CPXM2: variants seen among roughly 807,000 people sequenced by gnomAD.
The protein encoded by CPXM2 is inactive carboxypeptidase-like protein X2.
CPXM2 carries 66 observed loss-of-function variants against 86.1 expected under a neutral mutation model. That is an observed-to-expected ratio of 0.77 (90% CI 0.63 to 0.94). The LOEUF is 0.94. Among genes scored for constraint, CPXM2 ranks in the 40% least tolerant of loss-of-function variants. The probability of loss-of-function intolerance (pLI) is 0.00; values close to 1 mark genes in which losing one functional copy is unlikely to be tolerated. For missense variants in CPXM2, 948 were observed against 1,026.3 expected (o/e 0.92, Z 1.04); for synonymous variants, 388 against 400.2 (o/e 0.97, Z 0.36).
chr10:123,788,826 A>G (rs1564769702), intron 6 of CPXM2, among the ~76,000 whole-genome samples: 2 of 151,956 alleles, frequency 1.3e-5, no homozygotes, highest in Non-Finnish European at 2.9e-5. Flanking sequence ...ACTATCGCCA[A>G]AGCGTACACT....
intron 2 of CPXM2, among the ~76,000 whole-genome samples, chr10:123,915,059 C>T (rs1226882740): frequency 6.6e-6 from 1 of 152,230 alleles, no homozygotes; most frequent in Non-Finnish European, 1.5e-5. Context: ...CCTCCCGCGG[C>T]TCCTCTGATG....
Position 123,766,981 on chromosome 10 carries a change from T to C in CPXM2, c.1471A>G (p.Asn491Asp), listed in dbSNP as rs1394911042. The C allele has an allele frequency of 2.5e-6, 4 of 1,613,768 alleles. No homozygotes were observed. Among genetic ancestry groups the C allele is most frequent in the Non-Finnish European group, 3.4e-6 (4 of 1,179,598 alleles). ...CGGGTATTTTGACTCACCGTGGCAT[T>C]TTCCGACAGAAACCACTCAGGGATT... is the stretch of plus-strand genomic sequence containing the variant. ...IAIPEWFLSE[N>D]ATVAAETRAV... The change falls in exon 10 of 14, where the codon AAT (asparagine) becomes GAT (aspartate). Residue 491 changes from asparagine to aspartate, a missense_variant. Physicochemically the swap from Asn to Asp is conservative, Grantham distance 23. Coordinates refer to ENST00000241305, the MANE Select transcript of CPXM2 (RefSeq NM_198148.3).
chr10:123,878,277 C>T (rs1005801443), intron 2 of CPXM2, among the ~76,000 whole-genome samples: 1 of 149,796 alleles, frequency 6.7e-6, no homozygotes, highest in South Asian at 2.1e-4. Flanking sequence ...AGGTTATCCT[C>T]GACCCCCTTT....
chr10:123,757,425 C>G (rs1315765193), intron 11 of CPXM2, 73 bp from the exon 12 acceptor site: 4 of 1,297,770 alleles, frequency 3.1e-6, no homozygotes, highest in Non-Finnish European at 4.4e-6. Flanking sequence ...GCACAGCGGG[C>G]AGCAAGGATG....
At chr10:123,904,447 A>G (rs897002459) in intron 2 of CPXM2, among the ~76,000 whole-genome samples, 2 of 152,192 alleles carry the variant, frequency 1.3e-5, no homozygotes, top group Non-Finnish European at 2.9e-5. Flanking sequence ...GGGTATAACA[A>G]TCGTTCCCAC....
chr10:123,840,379 T>C (rs1046862340), intron 4 of CPXM2, among the ~76,000 whole-genome samples: 2 of 152,196 alleles, frequency 1.3e-5, no homozygotes, highest in African/African-American at 2.4e-5. Flanking sequence ...ATGGCATAAA[T>C]GCATAATCAA....
In CPXM2 at chr10:123,760,213, G is replaced by C. The variant is rs575475596; in HGVS notation, c.1777+1659C>G. On this transcript the variant is annotated intron_variant, in intron 11 of 13. Transcript: ENST00000241305. ...AAATGTTATGAGTGACCAACACTGC[G>C]GAATCCAGGTGTGCCCGTGCCCAAT... Among the ~76,000 whole-genome samples the C allele has an allele frequency of 2.0e-5, 3 of 152,300 alleles. No individual in the cohort carries two copies. The East Asian group carries it at 5.8e-4, about 29-fold the overall frequency.
At chr10:123,860,125 A>G (rs192876899) in intron 3 of CPXM2, among the ~76,000 whole-genome samples, 149 of 152,324 alleles carry the variant, frequency 9.8e-4, no homozygotes, top group Non-Finnish European at 2.0e-3. Context: ...GGAAATAAGT[A>G]AATGAAGGTT....
At chr10:123,871,368 T>A (rs1245688685) in intron 2 of CPXM2, among the ~76,000 whole-genome samples, 1 of 152,232 alleles carries the variant, frequency 6.6e-6, no homozygotes, top group Non-Finnish European at 1.5e-5. Flanking sequence ...TGATCCAGTA[T>A]AACTGATAAT....
At chr10:123,750,890 C>T in intron 13 of CPXM2, 1 of 985,428 alleles carries the variant, frequency 1.0e-6, no homozygotes, top group Non-Finnish European at 1.2e-6. Context: ...CCTTGAGGCT[C>T]TCACTTTCTC....
At chr10:123,757,173 A>T (rs757072271) in intron 12 of CPXM2, 40 bp downstream of exon 12, 2 of 1,594,268 alleles carry the variant, frequency 1.3e-6, no homozygotes, top group South Asian at 2.2e-5. Flanking sequence ...CTCATCCCCC[A>T]GCTAGTCCCC....
rs181904293 is a variant in CPXM2 at position 123,878,834 on chromosome 10, A to G, written c.403+1377T>C. Among the ~76,000 whole-genome samples, 594 of 152,260 alleles carry G rather than the reference A, an allele frequency of 3.9e-3. 2 individuals are homozygous for G. Among genetic ancestry groups the G allele is most frequent in the South Asian group, 9.8e-3 (47 of 4,820 alleles). The stretch of plus-strand genomic sequence containing the variant: ...GCCACGTCAGCCCTGTGGCATTTGT[A>G]ATCCTGAAGAAACAGCTGGTGTTTT... On this transcript the variant is annotated intron_variant, in intron 2 of 13. Coordinates refer to ENST00000241305, the MANE Select transcript of CPXM2 (RefSeq NM_198148.3).
chr10:123,910,529 C>T (rs547921464), intron 2 of CPXM2, among the ~76,000 whole-genome samples: 3 of 152,158 alleles, frequency 2.0e-5, no homozygotes, highest in African/African-American at 7.2e-5. Flanking sequence ...TTCCCGTCAG[C>T]AAGGGCTACC....
intron 4 of CPXM2, among the ~76,000 whole-genome samples, chr10:123,835,558 GAC>G (rs2134140569): frequency 6.6e-6 from 1 of 152,250 alleles, no homozygotes; most frequent in South Asian, 2.1e-4. Flanking sequence ...TTCAGAAACT[GAC>G]AGTTTTCAAA....
At chr10:123,883,664 C>T (rs753896166) in intron 1 of CPXM2, among the ~76,000 whole-genome samples, 12 of 152,190 alleles carry the variant, frequency 7.9e-5, no homozygotes, top group Non-Finnish European at 1.8e-4. Context: ...CTAACAGGGT[C>T]TCTGCACACC....
chr10:123,854,879 C>T (rs1996429), intron 3 of CPXM2, among the ~76,000 whole-genome samples: 87,870 of 151,764 alleles, frequency 0.58, 27,657 homozygotes, highest in East Asian at 0.81. Flanking sequence ...AAAATGCACA[C>T]AGCAAACAGA....
intron 10 of CPXM2, among the ~76,000 whole-genome samples, chr10:123,763,655 T>C (rs1846400232): frequency 6.6e-6 from 1 of 152,172 alleles, no homozygotes; most frequent in African/African-American, 2.4e-5. Context: ...CATCCTATTG[T>C]TGAATAAAGC....
chr10:123,886,556 C>G (rs1177558615), intron 1 of CPXM2, among the ~76,000 whole-genome samples: 1 of 152,128 alleles, frequency 6.6e-6, no homozygotes, highest in Non-Finnish European at 1.5e-5. Flanking sequence ...CTCGCTGCCC[C>G]CTCTGCAAAT....
rs1003104535 is a variant in CPXM2 at position 123,814,298 on chromosome 10, G to A, written c.654-15099C>T. Among the ~76,000 whole-genome samples the A allele has an allele frequency of 1.1e-4, 17 of 152,152 alleles. 1 individual carries two copies. The highest frequency in any genetic ancestry group is 4.1e-4 in the African/African-American group (17 of 41,440). ...CCAATGCAGCTAGAATATAAAGCAGGCAGAAAAATGTGAAAAGACCAGACT... is the reference window on the plus strand; with the variant it reads ...CCAATGCAGCTAGAATATAAAGCAGACAGAAAAATGTGAAAAGACCAGACT... On this transcript the variant is annotated intron_variant, in intron 4 of 13. Coordinates refer to ENST00000241305, the MANE Select transcript of CPXM2 (RefSeq NM_198148.3).
Sources: gnomAD v4.1 joint callset for allele counts (sites outside exome capture counted in the v4.1 genomes callset) on GRCh38, gnomAD v4.1.1 for gene constraint, MANE v1.5 for transcripts, NCBI Gene and HGNC (gene_info 2026-07-23, HGNC 2026-07-21) for gene names.